SOX5: variants seen among roughly 807,000 people sequenced by gnomAD.
SOX5 encodes SRY-box transcription factor 5.
SOX5 carries 9 observed loss-of-function variants against 92.0 expected under a neutral mutation model. That is an observed-to-expected ratio of 0.10 (90% CI 0.06 to 0.17). The LOEUF (loss-of-function observed/expected upper bound fraction) is 0.17, where lower values mean the gene tolerates loss of function less well. Among genes scored for constraint, SOX5 ranks in the 10% least tolerant of loss-of-function variants. The probability of loss-of-function intolerance (pLI) is 1.00; values close to 1 mark genes in which losing one functional copy is unlikely to be tolerated. For synonymous variants in SOX5, 344 were observed against 336.3 expected (o/e 1.02, Z -0.25); for missense variants, 642 against 944.5 (o/e 0.68, Z 4.20).
chr12:24,455,535 G>T (rs1367824754), intron 1 of SOX5, among the ~76,000 whole-genome samples: 1 of 152,176 alleles, frequency 6.6e-6, no homozygotes, highest in Non-Finnish European at 1.5e-5. Context: ...AGATTTCATA[G>T]CAGAGTATGT....
chr12:24,432,253 A>C (rs1938496691), intron 1 of SOX5, among the ~76,000 whole-genome samples: 1 of 152,186 alleles, frequency 6.6e-6, no homozygotes, highest in South Asian at 2.1e-4. Flanking sequence ...GTCAAAATAG[A>C]AATCTCACTG....
intron 1 of SOX5, among the ~76,000 whole-genome samples, chr12:24,394,527 G>T (rs1394157785): frequency 1.3e-5 from 2 of 152,166 alleles, no homozygotes; most frequent in African/African-American, 4.8e-5. Flanking sequence ...ACCCTTTGAA[G>T]AGGTCTCACA....
At chr12:23,746,215 C>T (rs1433555911) in intron 4 of SOX5, among the ~76,000 whole-genome samples, 2 of 152,044 alleles carry the variant, frequency 1.3e-5, no homozygotes, top group Non-Finnish European at 2.9e-5. Context: ...CTGTGAACAG[C>T]GGAGAAAGTA....
chr12:24,369,867 C>T (rs1595990495), intron 1 of SOX5, among the ~76,000 whole-genome samples: 2 of 152,152 alleles, frequency 1.3e-5, no homozygotes, highest in East Asian at 1.9e-4. Context: ...CAAAAAGCTT[C>T]GAAAGCTAGC....
At chr12:23,733,147 T>G (rs1275680940) in intron 6 of SOX5, among the ~76,000 whole-genome samples, 1 of 152,186 alleles carries the variant, frequency 6.6e-6, no homozygotes, top group African/African-American at 2.4e-5. Flanking sequence ...ATTTTTGCCA[T>G]TCTGTTTAAC....
intron 4 of SOX5, among the ~76,000 whole-genome samples, chr12:24,198,800 G>T (rs926825949): frequency 6.6e-6 from 1 of 152,196 alleles, no homozygotes; most frequent in African/African-American, 2.4e-5. Flanking sequence ...CTAGTATGAG[G>T]TCACTACACT....
At chr12:24,263,547 A>C (rs866785393) in intron 3 of SOX5, among the ~76,000 whole-genome samples, 4 of 144,934 alleles carry the variant, frequency 2.8e-5, no homozygotes, top group African/African-American at 8.1e-5. Flanking sequence ...AAAACAAAAA[A>C]AAAAACAAAA....
At chr12:24,321,486 C>T (rs536881419) in intron 2 of SOX5, among the ~76,000 whole-genome samples, 1 of 152,198 alleles carries the variant, frequency 6.6e-6, no homozygotes, top group African/African-American at 2.4e-5. Flanking sequence ...TAAATGCTTA[C>T]TATATAAAAG....
At chr12:24,291,498 G>A (rs1444683974) in intron 2 of SOX5, among the ~76,000 whole-genome samples, 1 of 152,194 alleles carries the variant, frequency 6.6e-6, no homozygotes, top group Admixed American at 6.5e-5. Context: ...ACTCTAAGGA[G>A]CTATTGCTGT....
chr12:24,412,759 GC>G (rs1441677998), intron 1 of SOX5, among the ~76,000 whole-genome samples: 17 of 149,664 alleles, frequency 1.1e-4, no homozygotes, highest in South Asian at 2.1e-4. Context: ...TGCTGCTGCT[GC>G]TGGGTTTCCA....
At chr12:23,555,118 G>A (rs1785005902) in intron 11 of SOX5, among the ~76,000 whole-genome samples, 1 of 151,912 alleles carries the variant, frequency 6.6e-6, no homozygotes, top group Non-Finnish European at 1.5e-5. Context: ...CCATAACCTT[G>A]GCATAACTAA....
At chr12:24,018,850 G>T (rs1953971682) in intron 4 of SOX5, among the ~76,000 whole-genome samples, 1 of 152,018 alleles carries the variant, frequency 6.6e-6, no homozygotes, top group African/African-American at 2.4e-5. Flanking sequence ...CTGGCATGAG[G>T]TTCCCTGACT....
intron 4 of SOX5, among the ~76,000 whole-genome samples, chr12:24,195,411 T>C: frequency 6.6e-6 from 1 of 152,182 alleles, no homozygotes; most frequent in East Asian, 1.9e-4. Flanking sequence ...CCGAGGCAAT[T>C]ATTAAGCTAA....
chr12:23,930,374 C>T (rs1202082343), intron 1 of SOX5, among the ~76,000 whole-genome samples: 1 of 151,634 alleles, frequency 6.6e-6, no homozygotes, highest in African/African-American at 2.4e-5. Flanking sequence ...GATATTCAGA[C>T]TTGTGTTTTG....
intron 6 of SOX5, among the ~76,000 whole-genome samples, chr12:23,714,255 G>T (rs1427268810): frequency 6.6e-6 from 1 of 152,076 alleles, no homozygotes; most frequent in Admixed American, 6.6e-5. Flanking sequence ...TAATGTAAAT[G>T]ATATAAAGGC....
intron 4 of SOX5, among the ~76,000 whole-genome samples, chr12:24,097,521 A>G (rs1456908028): frequency 6.7e-6 from 1 of 149,942 alleles, no homozygotes; most frequent in Non-Finnish European, 1.5e-5. Context: ...ATGTTTAATT[A>G]TTTGCTCCAT....
intron 1 of SOX5, among the ~76,000 whole-genome samples, chr12:24,376,690 CTTTTTTTTTTTTTTTTTT>C (rs1164391418): frequency 1.3e-3 from 94 of 70,612 alleles, no homozygotes; most frequent in Middle Eastern, 7.5e-3. Context: ...GGAGAGATAC[CTTTTTTTTTTTTTTTTTT>C]TTTTTTTTTT....
At chr12:24,048,010 A>C (rs1044194658) in intron 4 of SOX5, among the ~76,000 whole-genome samples, 1 of 152,204 alleles carries the variant, frequency 6.6e-6, no homozygotes, top group Admixed American at 6.5e-5. Context: ...GAATACCTAA[A>C]TCATCCCAAG....
chr12:24,328,162 A>T (rs1011767695), intron 2 of SOX5, among the ~76,000 whole-genome samples: 1 of 152,184 alleles, frequency 6.6e-6, no homozygotes, highest in Admixed American at 6.6e-5. Flanking sequence ...ATTATTTGTT[A>T]GCTGGCCAAT....
Sources: gnomAD v4.1 joint callset for allele counts (sites outside exome capture counted in the v4.1 genomes callset) on GRCh38, gnomAD v4.1.1 for gene constraint, MANE v1.5 for transcripts, NCBI Gene and HGNC (gene_info 2026-07-23, HGNC 2026-07-21) for gene names.